Variants in IL1RAPL1 observed in about 807,000 individuals in gnomAD.
IL1RAPL1 encodes interleukin-1 receptor accessory protein-like 1.
A neutral mutation model predicts 48.4 loss-of-function variants in IL1RAPL1; 3 were observed. The observed-to-expected ratio is 0.06, with a 90% CI of 0.03 to 0.16. The LOEUF (loss-of-function observed/expected upper bound fraction) is 0.16. IL1RAPL1 is among the 10% of genes least tolerant of loss of function. The probability of loss-of-function intolerance (pLI) is 1.00; values close to 1 mark genes in which losing one functional copy is unlikely to be tolerated. For synonymous variants in IL1RAPL1, 185 were observed against 187.7 expected (o/e 0.99, Z 0.12); for missense variants, 349 against 530.6 (o/e 0.66, Z 3.36).
At chrX:29,939,094 T>A (rs773081919) in intron 8 of IL1RAPL1, among the ~76,000 whole-genome samples, 2 of 111,988 alleles carry the variant, frequency 1.8e-5, no homozygotes, top group African/African-American at 3.2e-5. Flanking sequence ...CTTGGACAAA[T>A]ACCTAGGAGT....
chrX:28,906,591 A>G (rs1303420511), intron 2 of IL1RAPL1, among the ~76,000 whole-genome samples: 1 of 112,248 alleles, frequency 8.9e-6, no homozygotes, highest in African/African-American at 3.2e-5. Flanking sequence ...AAATATGAAT[A>G]GAGAAAATAC....
At chrX:29,141,179 A>G (rs938462906) in intron 2 of IL1RAPL1, among the ~76,000 whole-genome samples, 1 of 110,382 alleles carries the variant, frequency 9.1e-6, no homozygotes, top group African/African-American at 3.3e-5. Flanking sequence ...TGGTGTTTAT[A>G]TTCAGTTTGT....
At chrX:28,960,368 T>C (rs1386725750) in intron 2 of IL1RAPL1, among the ~76,000 whole-genome samples, 1 of 111,859 alleles carries the variant, frequency 8.9e-6, no homozygotes, top group Non-Finnish European at 1.9e-5. Context: ...AAATAATCTC[T>C]TATGGAATAT....
At chrX:29,394,751 CT>C (rs1173607480) in intron 3 of IL1RAPL1, among the ~76,000 whole-genome samples, 1 of 111,587 alleles carries the variant, frequency 9.0e-6, no homozygotes, top group Non-Finnish European at 1.9e-5. Context: ...ACGCTCAGGA[CT>C]TTTTTCAAGC....
chrX:29,409,102 T>C (rs1002867409), intron 5 of IL1RAPL1, among the ~76,000 whole-genome samples: 6 of 112,029 alleles, frequency 5.4e-5, no homozygotes, highest in Admixed American at 9.5e-5. Flanking sequence ...AAAAAAACTG[T>C]TTTTGTTAAA....
At chrX:28,597,529 C>T (rs992850882) in intron 1 of IL1RAPL1, among the ~76,000 whole-genome samples, 2 of 110,785 alleles carry the variant, frequency 1.8e-5, no homozygotes, top group East Asian at 2.9e-4. Context: ...GTCAGGAGTT[C>T]GAGACCAGCC....
chrX:29,340,600 C>T (rs995814481), intron 3 of IL1RAPL1, among the ~76,000 whole-genome samples: 3 of 111,923 alleles, frequency 2.7e-5, no homozygotes, highest in African/African-American at 6.5e-5. Flanking sequence ...TTCCTTTGGT[C>T]GTGTGGCACT....
At chrX:29,364,681 A>G (rs1933425710) in intron 3 of IL1RAPL1, among the ~76,000 whole-genome samples, 1 of 111,268 alleles carries the variant, frequency 9.0e-6, no homozygotes, top group Non-Finnish European at 1.9e-5. Flanking sequence ...AACTATTTAC[A>G]CAGTTGGATT....
Position 29,282,993 on chromosome X carries a change from A to G in IL1RAPL1, c.138A>G (p.Gly46=). Residue 46 remains glycine, a synonymous_variant, in exon 3 of 11, where the codon GGA becomes GGG. Transcript: ENST00000378993. Reference sequence around the variant, plus strand: ...TCAAGAAATATCAAGTTTTGGTGGGAGAGCCTGTTCGAATCAAATGTGCAC... The same window carrying G: ...TCAAGAAATATCAAGTTTTGGTGGGGGAGCCTGTTCGAATCAAATGTGCAC... ...IDIKKYQVLV[G]EPVRIKCALF... is the part of the protein sequence containing the mutation. 8.3e-7 allele frequency: 1 copy of G among 1,210,730 alleles called. No individual in the cohort carries two copies. Among genetic ancestry groups the G allele is most frequent in the Non-Finnish European group, 1.1e-6 (1 of 894,470 alleles).
At chrX:29,785,194 T>C (rs1358274638) in intron 6 of IL1RAPL1, among the ~76,000 whole-genome samples, 1 of 112,272 alleles carries the variant, frequency 8.9e-6, no homozygotes, top group South Asian at 3.6e-4. Context: ...TCATTATGAA[T>C]GGAGATACTT....
intron 5 of IL1RAPL1, among the ~76,000 whole-genome samples, chrX:29,433,183 A>G (rs921067906): frequency 9.1e-6 from 1 of 110,337 alleles, no homozygotes; most frequent in Non-Finnish European, 1.9e-5. Context: ...GCCTCTTTGA[A>G]AATGCATGGT....
intron 6 of IL1RAPL1, among the ~76,000 whole-genome samples, chrX:29,846,328 C>T (rs927402369): frequency 9.0e-6 from 1 of 111,099 alleles, no homozygotes; most frequent in Non-Finnish European, 1.9e-5. Flanking sequence ...ATTTGTTTCC[C>T]GTCCCCTTGC....
intron 5 of IL1RAPL1, among the ~76,000 whole-genome samples, chrX:29,471,434 A>T (rs1434154841): frequency 2.7e-5 from 3 of 111,464 alleles, no homozygotes; most frequent in Non-Finnish European, 5.7e-5. Flanking sequence ...GCTAGTATAT[A>T]TAGGAAGGGT....
At chrX:29,094,196 C>T (rs1928152122) in intron 2 of IL1RAPL1, among the ~76,000 whole-genome samples, 1 of 111,256 alleles carries the variant, frequency 9.0e-6, no homozygotes, top group Non-Finnish European at 1.9e-5. Flanking sequence ...ACGATTAAAA[C>T]CAGTTCCAAA....
intron 6 of IL1RAPL1, among the ~76,000 whole-genome samples, chrX:29,761,795 T>TA (rs1371405881): frequency 9.0e-6 from 1 of 111,472 alleles, no homozygotes; most frequent in African/African-American, 3.3e-5. Flanking sequence ...CACTGATTGT[T>TA]AGTTTTATCT....
At chrX:29,079,233 G>A (rs935831097) in intron 2 of IL1RAPL1, among the ~76,000 whole-genome samples, 1 of 111,665 alleles carries the variant, frequency 9.0e-6, no homozygotes, top group Non-Finnish European at 1.9e-5. Flanking sequence ...AACTGTCAGA[G>A]GGAAGGAAAC....
At chrX:29,252,234 G>A (rs1180314804) in intron 2 of IL1RAPL1, among the ~76,000 whole-genome samples, 3 of 110,603 alleles carry the variant, frequency 2.7e-5, no homozygotes. Context: ...CCTGCACATT[G>A]TGCACATGTA....
intron 2 of IL1RAPL1, among the ~76,000 whole-genome samples, chrX:29,280,132 A>T (rs1932178088): frequency 1.8e-5 from 2 of 112,489 alleles, no homozygotes; most frequent in African/African-American, 6.5e-5. Context: ...ATAACTGTTT[A>T]AAAAATTACC....
At chrX:29,213,155 C>T (rs1380275217) in intron 2 of IL1RAPL1, among the ~76,000 whole-genome samples, 9 of 111,547 alleles carry the variant, frequency 8.1e-5, no homozygotes, top group African/African-American at 1.6e-4. Context: ...TCCACCACCA[C>T]GCCTGGCTAA....
Sources: allele counts gnomAD v4.1 joint callset (sites outside exome capture counted in the v4.1 genomes callset), GRCh38; gene constraint gnomAD v4.1.1; transcripts MANE v1.5; gene names NCBI Gene and HGNC (gene_info 2026-07-23, HGNC 2026-07-21).